The following PAK5 variants were observed in gnomAD, a reference collection of about 807,000 sequenced individuals.
PAK5 encodes the protein p21 (RAC1) activated kinase 5.
PAK5 carries 16 observed loss-of-function variants against 65.9 expected under a neutral mutation model. The ratio of observed to expected loss-of-function variants is 0.24; its 90% CI spans 0.16 to 0.37. The LOEUF (loss-of-function observed/expected upper bound fraction) is 0.37, where lower values mean the gene tolerates loss of function less well. PAK5 is among the 10% of genes least tolerant of loss of function. The pLI, the probability that PAK5 is intolerant of heterozygous loss-of-function variation, is 1.00. For missense variants in PAK5, 785 were observed against 903.9 expected (o/e 0.87, Z 1.69); for synonymous variants, 371 against 354.9 (o/e 1.05, Z -0.51).
intron 3 of PAK5, among the ~76,000 whole-genome samples, chr20:9,606,424 T>C (rs983130651): frequency 1.7e-4 from 26 of 152,194 alleles, no homozygotes; most frequent in Admixed American, 1.4e-3. Context: ...TAATTTTTTG[T>C]AGCAGTGTGA....
intron 3 of PAK5, among the ~76,000 whole-genome samples, chr20:9,605,563 G>A (rs1279307676): frequency 1.3e-5 from 2 of 152,166 alleles, no homozygotes; most frequent in African/African-American, 4.8e-5. Flanking sequence ...AGTGAGACAT[G>A]GTATGTGTTA....
intron 1 of PAK5, among the ~76,000 whole-genome samples, chr20:9,775,004 A>G (rs1017940380): frequency 6.6e-6 from 1 of 152,152 alleles, no homozygotes; most frequent in Non-Finnish European, 1.5e-5. Context: ...ACAACAATGG[A>G]TCTCAGAGGC....
intron 1 of PAK5, among the ~76,000 whole-genome samples, chr20:9,770,283 C>A (rs772327195): frequency 3.3e-5 from 5 of 151,808 alleles, no homozygotes; most frequent in Non-Finnish European, 5.9e-5. Flanking sequence ...GTTGACAGTG[C>A]GATGATGGGG....
intron 3 of PAK5, among the ~76,000 whole-genome samples, chr20:9,620,368 C>A (rs760571262): frequency 6.6e-5 from 10 of 152,186 alleles, no homozygotes; most frequent in African/African-American, 2.2e-4. Context: ...AGAAGGATTG[C>A]GGAAAGCAGG....
intron 2 of PAK5, among the ~76,000 whole-genome samples, chr20:9,690,816 G>A (rs987362602): frequency 5.6e-5 from 8 of 143,580 alleles, no homozygotes; most frequent in Admixed American, 2.2e-4. Flanking sequence ...GTGCAATGGC[G>A]CAATTAGGCT....
At chr20:9,546,434 G>A (rs1426355571) in intron 7 of PAK5, among the ~76,000 whole-genome samples, 1 of 152,276 alleles carries the variant, frequency 6.6e-6, no homozygotes, top group East Asian at 1.9e-4. Flanking sequence ...ATCATGTGAT[G>A]AGTTTTGACC....
At chr20:9,606,089 G>A (rs6056747) in intron 3 of PAK5, among the ~76,000 whole-genome samples, 16,200 of 152,160 alleles carry the variant, frequency 0.11, 1,037 homozygotes, top group East Asian at 0.29. Context: ...CAATGTTGGC[G>A]GTAGGGCCCG....
chr20:9,559,808 A>G (rs188942846), intron 6 of PAK5, among the ~76,000 whole-genome samples: 34 of 152,210 alleles, frequency 2.2e-4, no homozygotes, highest in African/African-American at 7.9e-4. Context: ...CCAGTCTCAT[A>G]CAAAGGCAGG....
At chr20:9,558,007 C>CATTTATTTATTTATTTATTT (rs59495767) in intron 6 of PAK5, among the ~76,000 whole-genome samples, 2 of 140,612 alleles carry the variant, frequency 1.4e-5, no homozygotes, top group Admixed American at 1.4e-4. Context: ...TCCAGGAACT[C>CATTTATTTATTTATTTATTT]ATTTATTTAT....
chr20:9,565,049 T>C (rs2045652036), intron 5 of PAK5, among the ~76,000 whole-genome samples: 1 of 151,914 alleles, frequency 6.6e-6, no homozygotes, highest in South Asian at 2.1e-4. Flanking sequence ...ATAAATTTGA[T>C]ACATGTATAT....
chr20:9,561,372 C>T (rs1448073541), intron 6 of PAK5, among the ~76,000 whole-genome samples: 2 of 152,052 alleles, frequency 1.3e-5, no homozygotes, highest in African/African-American at 2.4e-5. Context: ...TTATTTTTTG[C>T]TTTATATGTG....
In PAK5 at chr20:9,538,581, T is replaced by C. The variant is rs1374081530; in HGVS notation, c.*881A>G. ...GAAATTTGGCCACAAGGGAACATTGTACCCATTTGAGAAAGGGCACTGAGG... is the reference window on the plus strand; with the variant it reads ...GAAATTTGGCCACAAGGGAACATTGCACCCATTTGAGAAAGGGCACTGAGG... On this transcript the variant is annotated 3_prime_UTR_variant, in exon 10 of 10. Transcript: ENST00000353224. 1.3e-5 allele frequency: 3 copies of C among 233,148 alleles called. No homozygotes were observed. The highest frequency in any genetic ancestry group is 2.5e-5 in the Non-Finnish European group (3 of 117,854). The allele number at this position is 233,148 out of a possible 1,614,324, so 14.4% of individuals were successfully genotyped here.
chr20:9,830,588 G>A (rs928586440), intron 1 of PAK5, among the ~76,000 whole-genome samples: 8 of 152,142 alleles, frequency 5.3e-5, no homozygotes, highest in African/African-American at 1.9e-4. Flanking sequence ...TCTTGCTTCT[G>A]CTTCATTGTT....
intron 4 of PAK5, among the ~76,000 whole-genome samples, chr20:9,579,278 T>C (rs1402750573): frequency 6.6e-6 from 1 of 152,222 alleles, no homozygotes; most frequent in Non-Finnish European, 1.5e-5. Flanking sequence ...ACGGTCCATG[T>C]TCTTTTGCTG....
intron 2 of PAK5, among the ~76,000 whole-genome samples, chr20:9,651,585 G>A (rs1374934237): frequency 1.3e-5 from 2 of 152,350 alleles, no homozygotes; most frequent in Admixed American, 6.5e-5. Context: ...TGTATTTAAT[G>A]CTACTGAACA....
intron 1 of PAK5, among the ~76,000 whole-genome samples, chr20:9,760,669 TTTTC>T (rs1422870083): frequency 1.1e-5 from 1 of 90,268 alleles, no homozygotes. Flanking sequence ...TTTTCTTTTC[TTTTC>T]TTTTTTTTTT....
intron 1 of PAK5, among the ~76,000 whole-genome samples, chr20:9,776,034 GA>G (rs1600360458): frequency 6.6e-6 from 1 of 152,228 alleles, no homozygotes; most frequent in East Asian, 1.9e-4. Context: ...AAGTTTTGGG[GA>G]AAGTGAAAAG....
intron 1 of PAK5, among the ~76,000 whole-genome samples, chr20:9,780,960 G>T (rs2048934856): frequency 6.6e-6 from 1 of 151,984 alleles, no homozygotes; most frequent in Non-Finnish European, 1.5e-5. Context: ...TACTGACAGA[G>T]GTCTCAGATT....
At chr20:9,588,377 A>G (rs1224716001) in intron 3 of PAK5, among the ~76,000 whole-genome samples, 2 of 152,192 alleles carry the variant, frequency 1.3e-5, no homozygotes, top group South Asian at 2.1e-4. Context: ...GTATAAATGT[A>G]TCACACTTTA....
Sources: allele counts gnomAD v4.1 joint callset (sites outside exome capture counted in the v4.1 genomes callset), GRCh38; gene constraint gnomAD v4.1.1; transcripts MANE v1.5; gene names NCBI Gene and HGNC (gene_info 2026-07-23, HGNC 2026-07-21).